THSD4: variants seen among roughly 807,000 people sequenced by gnomAD.
THSD4 encodes the protein thrombospondin type-1 domain-containing protein 4.
A neutral mutation model predicts 119.0 loss-of-function variants in THSD4; 69 were observed. That is an observed-to-expected ratio of 0.58 (90% CI 0.48 to 0.71). The LOEUF is 0.71. Ranked by LOEUF, THSD4 falls within the 30% of genes least tolerant of loss-of-function variation. The pLI, the probability that THSD4 is intolerant of heterozygous loss-of-function variation, is 0.00. For synonymous variants in THSD4, 524 were observed against 540.4 expected (o/e 0.97, Z 0.42); for missense variants, 1,393 against 1,391.1 (o/e 1.00, Z -0.02).
chr15:71,248,154 C>T (rs2044223277), intron 5 of THSD4, among the ~76,000 whole-genome samples: 1 of 152,124 alleles, frequency 6.6e-6, no homozygotes, highest in Admixed American at 6.6e-5. Flanking sequence ...GTGGTATGTG[C>T]CTCTGGTCCC....
intron 17 of THSD4, among the ~76,000 whole-genome samples, chr15:71,771,817 T>G (rs919418348): frequency 6.6e-6 from 1 of 152,182 alleles, no homozygotes; most frequent in Non-Finnish European, 1.5e-5. Context: ...GGGGCCAGTT[T>G]CCTGGAGGAA....
intron 6 of THSD4, among the ~76,000 whole-genome samples, chr15:71,320,024 A>C (rs1049441829): frequency 6.6e-6 from 1 of 152,180 alleles, no homozygotes; most frequent in Non-Finnish European, 1.5e-5. Flanking sequence ...TTGTTGTTAG[A>C]TCTCTTGGCA....
At chr15:71,102,231 C>T (rs1206236278) in intron 1 of THSD4, among the ~76,000 whole-genome samples, 3 of 152,020 alleles carry the variant, frequency 2.0e-5, no homozygotes, top group Non-Finnish European at 2.9e-5. Flanking sequence ...GTTTGGGATT[C>T]ACTGAGTTTC....
intron 3 of THSD4, chr15:71,165,273 A>C: frequency 6.3e-7 from 1 of 1,581,940 alleles, no homozygotes; most frequent in Non-Finnish European, 8.7e-7. Flanking sequence ...ATGGTCTTCC[A>C]CCTCTCTGAG....
At chr15:71,665,468 G>A (rs2051399034) in intron 8 of THSD4, among the ~76,000 whole-genome samples, 1 of 152,142 alleles carries the variant, frequency 6.6e-6, no homozygotes, top group Non-Finnish European at 1.5e-5. Context: ...TCTGTTGACA[G>A]TTTCTTTTGC....
chr15:71,555,933 G>A (rs2049009040), intron 7 of THSD4, among the ~76,000 whole-genome samples: 1 of 151,998 alleles, frequency 6.6e-6, no homozygotes, highest in South Asian at 2.1e-4. Context: ...AAATTTCCAG[G>A]GCCATTTCTT....
intron 6 of THSD4, among the ~76,000 whole-genome samples, chr15:71,368,357 C>T (rs555743918): frequency 3.3e-5 from 5 of 152,290 alleles, no homozygotes; most frequent in African/African-American, 1.2e-4. Flanking sequence ...GAAGTCCTTG[C>T]CCATGCCTAT....
intron 7 of THSD4, among the ~76,000 whole-genome samples, chr15:71,472,552 T>C (rs2047597050): frequency 6.6e-6 from 1 of 152,176 alleles, no homozygotes; most frequent in South Asian, 2.1e-4. Context: ...TTCTTTGCTC[T>C]TCTTAGAGAA....
At chr15:71,608,241 TATATATATACAC>T (rs1410504171) in intron 7 of THSD4, among the ~76,000 whole-genome samples, 7 of 80,410 alleles carry the variant, frequency 8.7e-5, no homozygotes, top group Non-Finnish European at 1.7e-4. Flanking sequence ...AAAAAAAATA[TATATATATACAC>T]ACACACACAC....
intron 5 of THSD4, among the ~76,000 whole-genome samples, chr15:71,252,968 A>G (rs2044276757): frequency 6.6e-6 from 1 of 152,168 alleles, no homozygotes; most frequent in East Asian, 1.9e-4. Flanking sequence ...TCCGGGCCCA[A>G]GAAGCCTTGC....
At chr15:71,137,745 A>G (rs1460707046) in intron 1 of THSD4, among the ~76,000 whole-genome samples, 1 of 152,208 alleles carries the variant, frequency 6.6e-6, no homozygotes, top group Non-Finnish European at 1.5e-5. Context: ...AGAAGTGACC[A>G]ATCAAATCTG....
chr15:71,356,916 C>CA (rs754413535), intron 6 of THSD4, among the ~76,000 whole-genome samples: 18 of 152,328 alleles, frequency 1.2e-4, no homozygotes, highest in Admixed American at 1.3e-4. Context: ...CGACAGCGCA[C>CA]AGGGTGATCA....
chr15:71,595,201 C>G (rs2049885580), intron 7 of THSD4, among the ~76,000 whole-genome samples: 1 of 152,094 alleles, frequency 6.6e-6, no homozygotes, highest in Non-Finnish European at 1.5e-5. Context: ...GTGGACAGGC[C>G]TGGAAGTCAG....
intron 1 of THSD4, among the ~76,000 whole-genome samples, chr15:71,120,510 G>A (rs1183554038): frequency 6.6e-6 from 1 of 152,238 alleles, no homozygotes; most frequent in Non-Finnish European, 1.5e-5. Context: ...TCACAGTGCC[G>A]CTGTGTCTTG....
At chr15:71,336,737 T>G (rs544624743) in intron 6 of THSD4, among the ~76,000 whole-genome samples, 32 of 152,382 alleles carry the variant, frequency 2.1e-4, no homozygotes, top group African/African-American at 7.5e-4. Context: ...TTTGGCAATT[T>G]GGATACAGTG....
chr15:71,501,063 TGGG>T (rs2048104964), intron 7 of THSD4, among the ~76,000 whole-genome samples: 3 of 152,246 alleles, frequency 2.0e-5, no homozygotes, highest in Non-Finnish European at 2.9e-5. Context: ...TAGATTGCTT[TGGG>T]TAGCATGGAT....
At chr15:71,731,051 A>G (rs1369054875) in intron 9 of THSD4, 70 bp from the exon 10 acceptor site, 1 of 1,443,762 alleles carries the variant, frequency 6.9e-7, no homozygotes, top group Non-Finnish European at 9.7e-7. Context: ...TAGTTCTGCA[A>G]ATGCCATTGA....
chr15:71,369,899 C>T (rs1404815355), intron 6 of THSD4, among the ~76,000 whole-genome samples: 1 of 152,136 alleles, frequency 6.6e-6, no homozygotes, highest in East Asian at 1.9e-4. Flanking sequence ...GGCTGTGAAT[C>T]CGTCTGGTCC....
chr15:71,396,364 G>A (rs564059606), intron 6 of THSD4, among the ~76,000 whole-genome samples: 1 of 152,248 alleles, frequency 6.6e-6, no homozygotes, highest in South Asian at 2.1e-4. Context: ...AATAGCAGGG[G>A]ATAGGAAGTC....
Sources: allele counts gnomAD v4.1 joint callset (sites outside exome capture counted in the v4.1 genomes callset), GRCh38; gene constraint gnomAD v4.1.1; transcripts MANE v1.5; gene names NCBI Gene and HGNC (gene_info 2026-07-23, HGNC 2026-07-21).